Variants in ANO10 observed in about 807,000 individuals in gnomAD.
ANO10 encodes the protein anoctamin 10.
Under a neutral mutation model 74.7 loss-of-function variants are expected in ANO10, and 77 were observed. The ratio of observed to expected loss-of-function variants is 1.03; its 90% CI spans 0.86 to 1.25. The LOEUF (loss-of-function observed/expected upper bound fraction) is 1.25, where lower values mean the gene tolerates loss of function less well. Ranked by LOEUF, ANO10 falls within the 50% of genes most tolerant of loss-of-function variation. ANO10 has a pLI of 0.00. For synonymous variants in ANO10, 279 were observed against 284.9 expected, an observed-to-expected ratio of 0.98 and a Z score of 0.21; for missense variants, 721 against 778.1, an observed-to-expected ratio of 0.93 and a Z score of 0.87.
At chr3:43,636,848 C>G (rs1179164259) in intron 1 of ANO10, among the ~76,000 whole-genome samples, 1 of 152,174 alleles carries the variant, frequency 6.6e-6, no homozygotes, top group African/African-American at 2.4e-5. Flanking sequence ...CTGAAAAACA[C>G]CTGGTCTCTG....
chr3:43,628,545 G>C (rs2083514227), intron 1 of ANO10, among the ~76,000 whole-genome samples: 1 of 152,202 alleles, frequency 6.6e-6, no homozygotes, highest in East Asian at 1.9e-4. Context: ...CAATGTTTAG[G>C]AAACAAGAGA....
intron 8 of ANO10, among the ~76,000 whole-genome samples, chr3:43,563,322 T>C (rs900519592): frequency 2.0e-5 from 3 of 151,708 alleles, no homozygotes; most frequent in African/African-American, 7.3e-5. Context: ...AAAATCCAGA[T>C]GCTGACAAGA....
chr3:43,555,850 T>C (rs1472954270), intron 9 of ANO10, among the ~76,000 whole-genome samples: 1 of 152,206 alleles, frequency 6.6e-6, no homozygotes, highest in East Asian at 1.9e-4. Context: ...TTTTACTAAA[T>C]AGAAAATCTC....
chr3:43,434,503 A>AAAAT (rs2093038043), intron 11 of ANO10, among the ~76,000 whole-genome samples: 1 of 152,234 alleles, frequency 6.6e-6, no homozygotes, highest in African/African-American at 2.4e-5. Flanking sequence ...TTAGTAGATA[A>AAAAT]AAATAAATCT....
intron 1 of ANO10, among the ~76,000 whole-genome samples, chr3:43,609,634 G>A (rs994341658): frequency 2.0e-5 from 3 of 152,162 alleles, no homozygotes; most frequent in African/African-American, 7.2e-5. Context: ...TACAAACCTA[G>A]ATGGCATAAC....
chr3:43,510,757 G>A (rs1238235231), intron 11 of ANO10, among the ~76,000 whole-genome samples: 1 of 152,142 alleles, frequency 6.6e-6, no homozygotes, highest in African/African-American at 2.4e-5. Context: ...AAGTGAGTGA[G>A]CTTGGCAGCC....
intron 8 of ANO10, among the ~76,000 whole-genome samples, chr3:43,565,430 C>T (rs534747715): frequency 9.9e-4 from 150 of 152,212 alleles, no homozygotes; most frequent in Middle Eastern, 3.4e-3. Flanking sequence ...GATTTTACTG[C>T]CCTATACTTA....
chr3:43,417,041 C>A (rs2092749586), intron 12 of ANO10, among the ~76,000 whole-genome samples: 2 of 152,220 alleles, frequency 1.3e-5, no homozygotes, highest in Non-Finnish European at 2.9e-5. Flanking sequence ...GGCACCTTCA[C>A]ATAGTGATAC....
At chr3:43,473,258 C>CAG (rs1347603169) in intron 11 of ANO10, among the ~76,000 whole-genome samples, 1 of 152,084 alleles carries the variant, frequency 6.6e-6, no homozygotes, top group Non-Finnish European at 1.5e-5. Context: ...GATCAGTGCC[C>CAG]AGTATTGGAT....
chr3:43,581,485 A>G (rs2081258691), intron 4 of ANO10, among the ~76,000 whole-genome samples: 1 of 152,204 alleles, frequency 6.6e-6, no homozygotes. Flanking sequence ...GGTGGAGAAG[A>G]GTGTCTTCAG....
intron 11 of ANO10, among the ~76,000 whole-genome samples, chr3:43,523,500 G>A (rs538201243): frequency 2.6e-4 from 39 of 152,162 alleles, no homozygotes; most frequent in Admixed American, 4.6e-4. Context: ...ATGCTATGCT[G>A]TAGCAACTCA....
intron 11 of ANO10, among the ~76,000 whole-genome samples, chr3:43,470,596 T>A (rs915781457): frequency 6.9e-6 from 1 of 143,908 alleles, no homozygotes; most frequent in Non-Finnish European, 1.5e-5. Flanking sequence ...CTGGTAATTA[T>A]TTTATTTATT....
Position 43,605,720 on chromosome 3 carries a change from C to CT in ANO10, c.132dup (p.Asp45ArgfsTer9), listed in dbSNP as rs540331226. The CT allele has an allele frequency of 6.7e-4, 1,070 of 1,586,364 alleles. No homozygotes were observed. The highest frequency in any genetic ancestry group is 8.2e-4 in the Non-Finnish European group (946 of 1,159,730). ...CAGTGACTATTTTACTCACCTCCATCTTTTTTTTTAGCTATAATTCTGTTT... is the reference window on the plus strand; with the variant it reads ...CAGTGACTATTTTACTCACCTCCATCTTTTTTTTTTAGCTATAATTCTGTTT... On this transcript the variant is annotated frameshift_variant, in exon 2 of 13. Coordinates refer to ENST00000292246, the MANE Select transcript of ANO10 (RefSeq NM_018075.5). LOFTEE classifies it high-confidence loss of function.
intron 11 of ANO10, among the ~76,000 whole-genome samples, chr3:43,466,240 G>A (rs1386356288): frequency 6.6e-6 from 1 of 151,536 alleles, no homozygotes; most frequent in Non-Finnish European, 1.5e-5. Context: ...GCGTGGTGGT[G>A]CGTGCCGGTA....
chr3:43,480,811 C>T (rs1274261284), intron 11 of ANO10, among the ~76,000 whole-genome samples: 1 of 152,040 alleles, frequency 6.6e-6, no homozygotes, highest in Admixed American at 6.6e-5. Context: ...TTTAAGCACA[C>T]TATGTTTAGG....
chr3:43,404,367 C>T (rs1290188518), intron 12 of ANO10, among the ~76,000 whole-genome samples: 1 of 152,102 alleles, frequency 6.6e-6, no homozygotes, highest in Admixed American at 6.5e-5. Context: ...GAGATGAATT[C>T]CACTAACATC....
intron 1 of ANO10, chr3:43,639,014 T>C (rs1241551239): frequency 6.6e-6 from 1 of 152,194 alleles, no homozygotes; most frequent in African/African-American, 2.4e-5. Context: ...CTGCAGGCAG[T>C]CTCAGTTCCC....
intron 12 of ANO10, among the ~76,000 whole-genome samples, chr3:43,387,743 G>C (rs1299385503): frequency 1.3e-5 from 2 of 152,216 alleles, no homozygotes; most frequent in East Asian, 1.9e-4. Context: ...CCCCTTCTGT[G>C]GGGGAGCTCC....
At chr3:43,677,106 G>A (rs1466767419) in intron 1 of ANO10, among the ~76,000 whole-genome samples, 1 of 152,108 alleles carries the variant, frequency 6.6e-6, no homozygotes, top group African/African-American at 2.4e-5. Flanking sequence ...ATCAACAGTG[G>A]ACTGGACAAA....
Sources: gnomAD v4.1 joint callset for allele counts (sites outside exome capture counted in the v4.1 genomes callset) on GRCh38, gnomAD v4.1.1 for gene constraint, MANE v1.5 for transcripts, NCBI Gene and HGNC (gene_info 2026-07-23, HGNC 2026-07-21) for gene names.